The following ITGA3 variants were observed in gnomAD, a reference collection of about 807,000 sequenced individuals.
The protein encoded by ITGA3 is integrin alpha-3.
In ITGA3, 70 loss-of-function variants were observed where a neutral mutation model predicts 131.1. That is an observed-to-expected ratio of 0.53 (90% confidence interval 0.44 to 0.65). The LOEUF is 0.65. ITGA3 is among the 30% of genes least tolerant of loss of function. The pLI is 0.00. For synonymous variants in ITGA3, 537 were observed against 571.6 expected (o/e 0.94, Z 0.86); for missense variants, 1,098 against 1,388.6 (o/e 0.79, Z 3.33).
At chr17:50,057,586 G>A (rs542212618) in intron 1 of ITGA3, among the ~76,000 whole-genome samples, 1 of 152,306 alleles carries the variant, frequency 6.6e-6, no homozygotes, top group South Asian at 2.1e-4. Context: ...GAGGTTGGCG[G>A]TTGGGGGAGG....
Position 50,079,479 on chromosome 17 carries a change from G to A in ITGA3, c.2628G>A (p.Gln876=). ...RPSSPQRRRR[Q]LDPGGGQGPP... ...CATCCCCACAGCGCAGGCGGCGACA[G>A]CTGGATCCAGGGGGAGGCCAGGGCC... The change falls in exon 21 of 26, where the codon CAG becomes CAA. Residue 876 remains glutamine (Q), a synonymous_variant. Transcript: ENST00000320031. 1.3e-6 allele frequency: 2 copies of A among 1,580,204 alleles called. No homozygotes were observed. Among genetic ancestry groups the A allele is most frequent in the African/African-American group, 1.4e-5 (1 of 73,688 alleles).
intron 1 of ITGA3, among the ~76,000 whole-genome samples, chr17:50,063,043 A>T (rs1908164989): frequency 6.6e-6 from 1 of 152,222 alleles, no homozygotes; most frequent in Admixed American, 6.5e-5. Context: ...TTTAACAAAG[A>T]TCCCCGGGGT....
At position 50,064,665 on chromosome 17, in the gene ITGA3, A is replaced by G; in HGVS notation, c.414+58A>G. ...TCTACCCGGCTCTCCCCTCATCTCC[A>G]GAGCTGGGAGGAAAGAAGAGGGCAG... On this transcript the variant is annotated intron_variant, in intron 3 of 25. Coordinates refer to ENST00000320031, the MANE Select transcript of ITGA3 (RefSeq NM_002204.4). The surrounding 1 kb of genome is among the most constrained non-coding windows in gnomAD (Gnocchi z 4.4). 1 of 1,457,534 alleles carries G rather than the reference A, an allele frequency of 6.9e-7. No homozygotes were observed. The highest frequency in any genetic ancestry group is 9.4e-7 in the Non-Finnish European group (1 of 1,058,254). The allele number at this position is 1,457,534 out of a possible 1,614,324, so 90.3% of individuals were successfully genotyped here.
At position 50,071,531 on chromosome 17, in the gene ITGA3, G is replaced by A. The variant is rs1260736950; in HGVS notation, c.959+13G>A. The stretch of plus-strand genomic sequence containing the variant: ...TGAACAATGATGGGTGAGAATCTAG[G>A]GACATCCTCTGGGGCCAGGGAGAGC... On this transcript the variant is annotated intron_variant, in intron 6 of 25. Transcript: ENST00000320031. 1 of 1,595,610 alleles carries A rather than the reference G, an allele frequency of 6.3e-7. No individual in the cohort carries two copies. The highest frequency in any genetic ancestry group is 8.5e-7 in the Non-Finnish European group (1 of 1,174,656).
intron 1 of ITGA3, among the ~76,000 whole-genome samples, chr17:50,059,600 G>C (rs1401645095): frequency 1.3e-5 from 2 of 152,192 alleles, no homozygotes; most frequent in Non-Finnish European, 2.9e-5. Context: ...TGCTCGTGTA[G>C]TATCTTTTTC....
chr17:50,063,370 C>T (rs1175158300), intron 1 of ITGA3, among the ~76,000 whole-genome samples: 3 of 152,198 alleles, frequency 2.0e-5, no homozygotes, highest in African/African-American at 2.4e-5. Context: ...GGACATCACC[C>T]AGGTCGCTTA....
intron 15 of ITGA3, 73 bp from the exon 16 acceptor site, chr17:50,077,306 C>G (rs1210983785): frequency 7.1e-7 from 1 of 1,412,936 alleles, no homozygotes; most frequent in African/African-American, 1.4e-5. Flanking sequence ...GGGCTTCTGA[C>G]CTTGCACCAC....
At chr17:50,061,778 G>A (rs1004502579) in intron 1 of ITGA3, among the ~76,000 whole-genome samples, 7 of 152,146 alleles carry the variant, frequency 4.6e-5, no homozygotes, top group Admixed American at 3.9e-4. Flanking sequence ...GGTGGCTCAC[G>A]CTTGTAATCC....
chr17:50,072,640 T>C (rs1332565871), intron 7 of ITGA3, among the ~76,000 whole-genome samples: 1 of 151,964 alleles, frequency 6.6e-6, no homozygotes, highest in Admixed American at 6.6e-5. Context: ...TCATGGGGCA[T>C]CCAGAGAAAG....
In ITGA3 at chr17:50,087,767, G is replaced by C; in HGVS notation, c.2943G>C (p.Glu981Asp). Residue 981 changes from glutamate to aspartate, a missense_variant, in exon 24 of 26, where the codon GAG becomes GAC. This residue lies in a region of ITGA3 where 699 missense variants were observed against 829.2 expected (regional missense o/e 0.84). Transcript: ENST00000320031. ...TTWFSVDIDSELVEELPAEIE... is the reference protein window; with the variant it reads ...TTWFSVDIDSDLVEELPAEIE... ...AGTTCTCTGTGGACATTGACTCGGA[G>C]CTGGTGGAGGAGCTGCCGGCCGAAA... 1 of 1,613,350 alleles carries C rather than the reference G, an allele frequency of 6.2e-7. No homozygotes were observed. Among genetic ancestry groups the C allele is most frequent in the Non-Finnish European group, 8.5e-7 (1 of 1,179,838 alleles).
rs1347340766 is a variant in ITGA3, at chr17:50,073,983, G to C, written c.1224G>C (p.Gly408=). ...ACATCTATCACAGTAGCTCTAAGGG[G>C]CTCCTTAGACAGCCCCAGCAGGTAC... ...KVYIYHSSSK[G]LLRQPQQVIH... Residue 408 remains glycine, a synonymous_variant, in exon 8 of 26, where the codon GGG becomes GGC. Transcript: ENST00000320031. The C allele has an allele frequency of 1.2e-6, 2 of 1,613,786 alleles. No homozygotes were observed. Among genetic ancestry groups the C allele is most frequent in the Admixed American group, 1.7e-5 (1 of 60,012 alleles).
intron 12 of ITGA3, 147 bp downstream of exon 12, chr17:50,075,882 G>A: frequency 1.3e-6 from 1 of 785,482 alleles, no homozygotes; most frequent in Non-Finnish European, 2.0e-6. Context: ...GTGTGTAGGA[G>A]TACAGTGTAC....
intron 16 of ITGA3, 51 bp from the exon 17 acceptor site, chr17:50,077,994 AC>A: frequency 6.9e-7 from 1 of 1,459,816 alleles, no homozygotes. Flanking sequence ...CCATGACATC[AC>A]CCCCGCCAGG....
intron 10 of ITGA3, 143 bp from the exon 11 acceptor site, chr17:50,075,316 A>T: frequency 1.3e-6 from 1 of 763,990 alleles, no homozygotes; most frequent in South Asian, 1.6e-5. Flanking sequence ...GACACCACAG[A>T]CCTGCTTTGT....
At chr17:50,068,409 A>G (rs760577024) in intron 4 of ITGA3, 104 bp downstream of exon 4, 1 of 1,279,826 alleles carries the variant, frequency 7.8e-7, no homozygotes, top group Non-Finnish European at 1.1e-6. Context: ...TAGAAACAGG[A>G]CCTCATGCCA....
chr17:50,076,749 G>A (rs889848796), intron 14 of ITGA3, 68 bp downstream of exon 14: 7 of 1,390,368 alleles, frequency 5.0e-6, no homozygotes, highest in Middle Eastern at 3.6e-4. Context: ...CTGGCAGGGT[G>A]GGGGCGGGGC....
chr17:50,071,087 C>T (rs1234350726), intron 5 of ITGA3, among the ~76,000 whole-genome samples, 157 bp downstream of exon 5: 1 of 152,220 alleles, frequency 6.6e-6, no homozygotes, highest in Non-Finnish European at 1.5e-5. Flanking sequence ...CTGTTCCAAG[C>T]TCCCAAGATG....
chr17:50,062,700 C>A (rs1908149914), intron 1 of ITGA3, among the ~76,000 whole-genome samples: 1 of 152,242 alleles, frequency 6.6e-6, no homozygotes, highest in African/African-American at 2.4e-5. Flanking sequence ...CCCTGCCCAG[C>A]CCACTCCCTG....
chr17:50,070,637 A>G (rs1908575991), intron 4 of ITGA3, among the ~76,000 whole-genome samples: 1 of 94,702 alleles, frequency 1.1e-5, no homozygotes, highest in Admixed American at 1.4e-4. Context: ...CAAGAGCAAG[A>G]CTGTCTCAAA....
Sources: allele counts gnomAD v4.1 joint callset (sites outside exome capture counted in the v4.1 genomes callset), GRCh38; gene constraint gnomAD v4.1.1; regional missense constraint gnomAD v4.1.1; non-coding constraint Gnocchi (gnomAD v3.1); transcripts MANE v1.5; gene names NCBI Gene and HGNC (gene_info 2026-07-23, HGNC 2026-07-21).